Variants in GUCY1A2 observed in about 807,000 individuals in gnomAD.
GUCY1A2 encodes the protein guanylate cyclase soluble subunit alpha-2.
Under a neutral mutation model 63.5 loss-of-function variants are expected in GUCY1A2, and 27 were observed. The ratio of observed to expected loss-of-function variants is 0.43; its 90% CI spans 0.31 to 0.59. The LOEUF (loss-of-function observed/expected upper bound fraction) is 0.59, where lower values mean the gene tolerates loss of function less well. Ranked by LOEUF, GUCY1A2 falls within the 20% of genes least tolerant of loss-of-function variation. The pLI is 0.11. For synonymous variants in GUCY1A2, 364 were observed against 343.5 expected, an observed-to-expected ratio of 1.06 and a Z score of -0.66; for missense variants, 768 against 913.3, an observed-to-expected ratio of 0.84 and a Z score of 2.05.
intron 1 of GUCY1A2, among the ~76,000 whole-genome samples, chr11:107,014,526 A>AT (rs983375657): frequency 1.3e-5 from 2 of 151,986 alleles, no homozygotes; most frequent in Non-Finnish European, 2.9e-5. Context: ...GAATTCTGGA[A>AT]TTTTTTTTCA....
Position 106,687,513 on chromosome 11 carries a change from G to T in GUCY1A2, c.*36C>A. The T allele has an allele frequency of 6.7e-7, 1 of 1,494,094 alleles. No homozygotes were observed. Among genetic ancestry groups the T allele is most frequent in the Non-Finnish European group, 9.3e-7 (1 of 1,071,196 alleles). 92.6% of individuals were successfully genotyped at this position (1,494,094 alleles called of 1,614,324 possible). A position where few individuals can be genotyped will look rare whatever the true frequency, so the allele number is the denominator to read the frequency against. ...CATTGGTGACCCATGTTCTGGGCTT[G>T]TGCTTTTTGGAGGAGTCTTTGATCT... On this transcript the variant is annotated 3_prime_UTR_variant, in exon 8 of 8. Transcript: ENST00000526355.
chr11:106,679,493 CAAAAT>C lies in GUCY1A2; in HGVS notation c.*8051_*8055del, dbSNP rs1862397762. On this transcript the variant is annotated 3_prime_UTR_variant, in exon 8 of 8. Transcript: ENST00000526355. ...CCAAAAGTTTAAAAATTTCAGGACA[CAAAAT>C]AAATATTTCCTATTATTTGTGATTA... is the stretch of plus-strand genomic sequence containing the variant. 5.1e-6 allele frequency: 1 copy of C among 197,512 alleles called. No homozygotes were observed. The highest frequency in any genetic ancestry group is 1.0e-5 in the Non-Finnish European group (1 of 95,360). 12.2% of individuals were successfully genotyped at this position (197,512 alleles called of 1,614,324 possible).
At chr11:106,895,150 G>A (rs1860029245) in intron 4 of GUCY1A2, among the ~76,000 whole-genome samples, 1 of 152,026 alleles carries the variant, frequency 6.6e-6, no homozygotes, top group African/African-American at 2.4e-5. Flanking sequence ...TAGATAAAAT[G>A]GATCAATTCC....
At chr11:107,017,705 C>A (rs536687006) in intron 1 of GUCY1A2, 48 bp downstream of exon 1, 5 of 1,171,528 alleles carry the variant, frequency 4.3e-6, no homozygotes, top group East Asian at 6.4e-5. Context: ...CTTTACAGAT[C>A]CGCGTTCTCT....
intron 2 of GUCY1A2, among the ~76,000 whole-genome samples, chr11:106,984,625 CTTT>C (rs1861378168): frequency 6.6e-6 from 1 of 151,946 alleles, no homozygotes; most frequent in Non-Finnish European, 1.5e-5. Context: ...GAAAATTAGA[CTTT>C]GATGATGGAT....
rs1196460206 is a variant in GUCY1A2 at position 106,683,738 on chromosome 11, G to A, written c.*3811C>T. 6 of 222,386 alleles carry A rather than the reference G, an allele frequency of 2.7e-5. No homozygotes were observed. The East Asian group carries it at 3.9e-4, about 14-fold the overall frequency. 13.8% of individuals were successfully genotyped at this position (222,386 alleles called of 1,614,324 possible). On this transcript the variant is annotated 3_prime_UTR_variant, in exon 8 of 8. Coordinates refer to ENST00000526355, the MANE Select transcript of GUCY1A2 (RefSeq NM_000855.3). ...ACAAGACAGAAACCTGTGTGTAAAA[G>A]TTTTACTTTTTGCCTTAACCATCCA...
chr11:107,012,448 TAAG>T (rs768124526), intron 1 of GUCY1A2, among the ~76,000 whole-genome samples: 118 of 152,288 alleles, frequency 7.7e-4, no homozygotes, highest in South Asian at 1.7e-3. Context: ...TAGGAAGCTT[TAAG>T]AAGAATATTC....
At chr11:106,691,436 A>G (rs956243733) in intron 7 of GUCY1A2, among the ~76,000 whole-genome samples, 1 of 152,190 alleles carries the variant, frequency 6.6e-6, no homozygotes. Context: ...ACTGCACATG[A>G]GCTACACTCT....
At chr11:106,913,222 C>A (rs1487161466) in intron 4 of GUCY1A2, among the ~76,000 whole-genome samples, 1 of 152,016 alleles carries the variant, frequency 6.6e-6, no homozygotes, top group Admixed American at 6.6e-5. Context: ...GCTTGCACTG[C>A]TATAAAGGAA....
chr11:106,913,900 C>T (rs1351212712), intron 4 of GUCY1A2, among the ~76,000 whole-genome samples: 3 of 149,218 alleles, frequency 2.0e-5, no homozygotes, highest in African/African-American at 7.4e-5. Context: ...AAATGTTAAT[C>T]GGCAACCATC....
chr11:106,896,957 G>T (rs925190263), intron 4 of GUCY1A2, among the ~76,000 whole-genome samples: 25 of 152,038 alleles, frequency 1.6e-4, no homozygotes, highest in Admixed American at 2.6e-4. Flanking sequence ...AAATTCAAAA[G>T]AACCAACAAA....
intron 4 of GUCY1A2, among the ~76,000 whole-genome samples, chr11:106,914,214 CTA>C (rs1860337736): frequency 6.6e-6 from 1 of 152,000 alleles, no homozygotes; most frequent in Non-Finnish European, 1.5e-5. Flanking sequence ...ATATCAGTAT[CTA>C]TACAGATTTT....
At chr11:106,689,905 G>C (rs1267787142) in intron 7 of GUCY1A2, among the ~76,000 whole-genome samples, 2 of 151,416 alleles carry the variant, frequency 1.3e-5, no homozygotes, top group Non-Finnish European at 2.9e-5. Context: ...TGAGGCAGGA[G>C]AATCACTTGA....
chr11:106,709,400 ATATAT>A (rs1330069834), intron 6 of GUCY1A2, among the ~76,000 whole-genome samples: 12 of 94,486 alleles, frequency 1.3e-4, no homozygotes, highest in African/African-American at 5.2e-4. Flanking sequence ...TATATAAATT[ATATAT>A]TATACTATGT....
At position 106,675,136 on chromosome 11, in the gene GUCY1A2, A is replaced by C; in HGVS notation, c.*12413T>G. 1 of 213,426 alleles carries C rather than the reference A, an allele frequency of 4.7e-6. No homozygotes were observed. Among genetic ancestry groups the C allele is most frequent in the South Asian group, 1.9e-4 (1 of 5,380 alleles). The allele number at this position is 213,426 out of a possible 1,614,324, so 13.2% of individuals were successfully genotyped here. ...GATTTTGAAATGAATGATATGTATTATTTCTGGAATGCACTTAATCAGTAT... is the reference window on the plus strand; with the variant it reads ...GATTTTGAAATGAATGATATGTATTCTTTCTGGAATGCACTTAATCAGTAT... On this transcript the variant is annotated 3_prime_UTR_variant, in exon 8 of 8. Transcript: ENST00000526355.
intron 7 of GUCY1A2, among the ~76,000 whole-genome samples, chr11:106,695,686 G>A (rs762806396): frequency 6.6e-6 from 1 of 151,998 alleles, no homozygotes; most frequent in South Asian, 2.1e-4. Context: ...TTATTGAGTC[G>A]GCTAGACAGC....
intron 4 of GUCY1A2, among the ~76,000 whole-genome samples, chr11:106,838,989 C>A (rs910932270): frequency 1.3e-5 from 2 of 151,970 alleles, no homozygotes; most frequent in Non-Finnish European, 2.9e-5. Flanking sequence ...AATTAGATCC[C>A]ATTTGTCAAT....
chr11:106,859,941 A>C (rs1448160167), intron 4 of GUCY1A2, among the ~76,000 whole-genome samples: 2 of 151,904 alleles, frequency 1.3e-5, no homozygotes, highest in African/African-American at 4.8e-5. Context: ...TCACCTAAAA[A>C]TGCTTCTCAG....
At chr11:106,850,298 A>C (rs1467239084) in intron 4 of GUCY1A2, among the ~76,000 whole-genome samples, 2 of 151,812 alleles carry the variant, frequency 1.3e-5, no homozygotes, top group Non-Finnish European at 3.0e-5. Flanking sequence ...TGATCAAATC[A>C]GGGTAACAAG....
Sources: gnomAD v4.1 joint callset for allele counts (sites outside exome capture counted in the v4.1 genomes callset) on GRCh38, gnomAD v4.1.1 for gene constraint, MANE v1.5 for transcripts, NCBI Gene and HGNC (gene_info 2026-07-23, HGNC 2026-07-21) for gene names.